AGAP1: variants seen among roughly 807,000 people sequenced by gnomAD.
The protein encoded by AGAP1 is arf-GAP with GTPase, ANK repeat and PH domain-containing protein 1.
In AGAP1, 29 loss-of-function variants were observed where a neutral mutation model predicts 105.3. The observed-to-expected ratio is 0.28, with a 90% CI of 0.21 to 0.38. The LOEUF is 0.38. AGAP1 is among the 10% of genes least tolerant of loss of function. AGAP1 has a pLI of 1.00. For missense variants in AGAP1, 998 were observed against 1,165.1 expected, an observed-to-expected ratio of 0.86 and a Z score of 2.09; for synonymous variants, 509 against 485.9, an observed-to-expected ratio of 1.05 and a Z score of -0.63.
intron 9 of AGAP1, chr2:235,853,328 G>C: frequency 1.6e-6 from 1 of 627,658 alleles, no homozygotes; most frequent in Non-Finnish European, 2.0e-6. Context: ...ATTGTTTTAG[G>C]AACAGGGAAT....
chr2:236,092,659 T>C lies in AGAP1; in HGVS notation c.2115-27533T>C, dbSNP rs1389739783. The stretch of plus-strand genomic sequence containing the variant: ...CACCCGCCTTGGCCTCCCAAAGTGC[T>C]GGGATTACAGGCGTGAGCCACCGCG... On this transcript the variant is annotated intron_variant, in intron 16 of 17. Coordinates refer to ENST00000304032, the MANE Select transcript of AGAP1 (RefSeq NM_001037131.3). This position sits in a 1 kb window ranked among gnomAD's most constrained non-coding sequence, Gnocchi z 4.7. Among the ~76,000 whole-genome samples the C allele has an allele frequency of 6.6e-6, 1 of 152,248 alleles. No homozygotes were observed. The highest frequency in any genetic ancestry group is 2.4e-5 in the African/African-American group (1 of 41,472).
chr2:235,579,122 AT>A (rs1944838544), intron 1 of AGAP1, among the ~76,000 whole-genome samples: 1 of 152,168 alleles, frequency 6.6e-6, no homozygotes, highest in South Asian at 2.1e-4. Context: ...TGGAGCGCTC[AT>A]TTTTGTGGCT....
intron 16 of AGAP1, among the ~76,000 whole-genome samples, chr2:236,110,840 G>T (rs182886981): frequency 2.1e-4 from 32 of 152,284 alleles, no homozygotes; most frequent in African/African-American, 6.3e-4. Context: ...CTTAAATGGG[G>T]TAATTTATAA....
At chr2:236,049,779 A>G (rs1459219241) in intron 16 of AGAP1, 1 of 153,300 alleles carries the variant, frequency 6.5e-6, no homozygotes, top group African/African-American at 2.4e-5. Flanking sequence ...AGCATAATGT[A>G]TGATGTAACT....
intron 1 of AGAP1, among the ~76,000 whole-genome samples, chr2:235,637,580 C>A (rs1237280033): frequency 6.6e-6 from 1 of 152,052 alleles, no homozygotes; most frequent in African/African-American, 2.4e-5. Context: ...CCGTGCTCGG[C>A]CTTCATTATT....
At chr2:235,613,201 G>C (rs1374795035) in intron 1 of AGAP1, among the ~76,000 whole-genome samples, 1 of 151,916 alleles carries the variant, frequency 6.6e-6, no homozygotes, top group Non-Finnish European at 1.5e-5. Context: ...TCGCCATTTT[G>C]GCCAGGCTGG....
intron 1 of AGAP1, among the ~76,000 whole-genome samples, chr2:235,605,238 T>G (rs535482273): frequency 3.7e-4 from 57 of 152,334 alleles, no homozygotes; most frequent in African/African-American, 1.3e-3. Context: ...AAGTAATAAA[T>G]AATAATTGAG....
chr2:235,554,339 T>A (rs191884446), intron 1 of AGAP1, among the ~76,000 whole-genome samples: 183 of 152,300 alleles, frequency 1.2e-3, no homozygotes, highest in Admixed American at 2.6e-3. Flanking sequence ...CAAGTGACAT[T>A]TGTTTTGAGG....
Position 236,012,664 on chromosome 2 carries a change from G to A in AGAP1, c.1646-23897G>A, listed in dbSNP as rs1355175623. ...CTTATAGATAGTGAAGAAACCTGAAGGTATAGACATAAAGAAGTCTTCACT... is the reference window on the plus strand; with the variant it reads ...CTTATAGATAGTGAAGAAACCTGAAAGTATAGACATAAAGAAGTCTTCACT... On this transcript the variant is annotated intron_variant, in intron 13 of 17. Transcript: ENST00000304032. The surrounding 1 kb of genome is among the most constrained non-coding windows in gnomAD (Gnocchi z 4.9). Among the ~76,000 whole-genome samples the A allele has an allele frequency of 6.6e-6, 1 of 152,072 alleles. No individual in the cohort carries two copies. Among genetic ancestry groups the A allele is most frequent in the Non-Finnish European group, 1.5e-5 (1 of 68,022 alleles).
At position 236,120,524 on chromosome 2, in the gene AGAP1, T is replaced by C. The variant is rs529146088; in HGVS notation, c.2370+77T>C. On this transcript the variant is annotated intron_variant, in intron 17 of 17. Transcript: ENST00000304032. This position sits in a 1 kb window ranked among gnomAD's most constrained non-coding sequence, Gnocchi z 6.0. Reference sequence around the variant, plus strand: ...GCTTTGTTCTGCTTCCGTGGGCATCTTTCTGGCAGAAGGCTGTTGTTCTCG... The same window carrying C: ...GCTTTGTTCTGCTTCCGTGGGCATCCTTCTGGCAGAAGGCTGTTGTTCTCG... The C allele has an allele frequency of 3.7e-5, 59 of 1,580,032 alleles. No individual in the cohort carries two copies. In the South Asian group the frequency reaches 4.8e-4, roughly 13 times the overall value.
intron 16 of AGAP1, among the ~76,000 whole-genome samples, chr2:236,060,093 A>AACAC (rs370048554): frequency 2.0e-5 from 3 of 151,460 alleles, no homozygotes; most frequent in African/African-American, 7.3e-5. Context: ...TTCGTCTCAA[A>AACAC]ACACACACAC....
Position 235,793,896 on chromosome 2 carries a change from A to G in AGAP1, c.674-3863A>G, listed in dbSNP as rs1160334494. Among the ~76,000 whole-genome samples the G allele has an allele frequency of 6.6e-6, 1 of 152,224 alleles. No individual in the cohort carries two copies. Among genetic ancestry groups the G allele is most frequent in the Non-Finnish European group, 1.5e-5 (1 of 68,038 alleles). On this transcript the variant is annotated intron_variant, in intron 6 of 17. Coordinates refer to ENST00000304032, the MANE Select transcript of AGAP1 (RefSeq NM_001037131.3). This position sits in a 1 kb window ranked among gnomAD's most constrained non-coding sequence, Gnocchi z 5.3. ...TCCCTCTATAGAATAGAACATTTAC[A>G]GTTTGTGGATAAAGTAAATGTATAC...
chr2:236,084,379 T>G (rs2125846003), intron 16 of AGAP1, among the ~76,000 whole-genome samples: 1 of 152,316 alleles, frequency 6.6e-6, no homozygotes, highest in African/African-American at 2.4e-5. Context: ...TAAGTAGTGG[T>G]TTTTCCCTGA....
chr2:236,031,116 T>C (rs2057209373), intron 13 of AGAP1, among the ~76,000 whole-genome samples: 1 of 152,136 alleles, frequency 6.6e-6, no homozygotes, highest in Admixed American at 6.5e-5. Context: ...CATTTTAAAA[T>C]CCAAAACTGA....
At chr2:235,727,922 T>C (rs1951730305) in intron 3 of AGAP1, among the ~76,000 whole-genome samples, 1 of 152,084 alleles carries the variant, frequency 6.6e-6, no homozygotes, top group Non-Finnish European at 1.5e-5. Flanking sequence ...TGGGTCAGAA[T>C]GGAGAGATTG....
chr2:235,946,583 C>T (rs944998477), intron 12 of AGAP1, among the ~76,000 whole-genome samples: 7 of 152,230 alleles, frequency 4.6e-5, no homozygotes, highest in South Asian at 4.2e-4. Context: ...GATAAAATTT[C>T]GACACTCTCA....
At chr2:236,011,522 T>G (rs907441490) in intron 13 of AGAP1, among the ~76,000 whole-genome samples, 2 of 152,160 alleles carry the variant, frequency 1.3e-5, no homozygotes, top group African/African-American at 4.8e-5. Flanking sequence ...CAAAGAGACT[T>G]TTGCTTACGC....
rs2054194032 is a variant in AGAP1, at chr2:235,961,717, G to A, written c.1484-6745G>A. Among the ~76,000 whole-genome samples, 3 of 152,216 alleles carry A rather than the reference G, an allele frequency of 2.0e-5. No individual in the cohort carries two copies. The South Asian group carries it at 6.2e-4, about 32-fold the overall frequency. ...GAGGTCAAGAGATCGAGACCATCCT[G>A]GCCAACATGTTGAAACCCGTCTCTA... On this transcript the variant is annotated intron_variant, in intron 12 of 17. Coordinates refer to ENST00000304032, the MANE Select transcript of AGAP1 (RefSeq NM_001037131.3). The surrounding 1 kb of genome is among the most constrained non-coding windows in gnomAD (Gnocchi z 5.9).
chr2:235,613,275 C>CCT (rs1946199393), intron 1 of AGAP1, among the ~76,000 whole-genome samples: 1 of 152,194 alleles, frequency 6.6e-6, no homozygotes, highest in Non-Finnish European at 1.5e-5. Context: ...GGATTACAGG[C>CCT]CTGTGCCACT....
Sources: gnomAD v4.1 joint callset for allele counts (sites outside exome capture counted in the v4.1 genomes callset) on GRCh38, gnomAD v4.1.1 for gene constraint, Gnocchi (gnomAD v3.1) non-coding constraint, MANE v1.5 for transcripts, NCBI Gene and HGNC (gene_info 2026-07-23, HGNC 2026-07-21) for gene names.